EPM2A: variants seen among roughly 807,000 people sequenced by gnomAD.
EPM2A encodes the protein laforin.
EPM2A carries 21 observed loss-of-function variants against 26.5 expected under a neutral mutation model. The observed-to-expected ratio is 0.79, with a 90% CI of 0.56 to 1.14. The LOEUF (loss-of-function observed/expected upper bound fraction) is 1.14. Among genes scored for constraint, EPM2A ranks in the 50% most tolerant of loss-of-function variants. The pLI is 0.00. For synonymous variants in EPM2A, 217 were observed against 177.6 expected (o/e 1.22, Z -1.76); for missense variants, 458 against 440.8 (o/e 1.04, Z -0.35).
At chr6:145,441,327 T>A (rs1348940561) in intron 4 of EPM2A, among the ~76,000 whole-genome samples, 2 of 152,192 alleles carry the variant, frequency 1.3e-5, no homozygotes, top group African/African-American at 4.8e-5. Flanking sequence ...CCCTGGGCCC[T>A]AGCCCACTAA....
intron 4 of EPM2A, among the ~76,000 whole-genome samples, chr6:145,399,175 G>A (rs1023009778): frequency 2.5e-4 from 38 of 152,168 alleles, no homozygotes; most frequent in African/African-American, 7.7e-4. Flanking sequence ...AAAAGTTTGC[G>A]AGAGAGGTGA....
intron 4 of EPM2A, among the ~76,000 whole-genome samples, chr6:145,465,086 A>G (rs1016463750): frequency 4.6e-5 from 7 of 151,742 alleles, no homozygotes; most frequent in Non-Finnish European, 7.4e-5. Flanking sequence ...ACTTGGTTCC[A>G]TTCTCCCCGT....
chr6:145,572,384 T>G (rs868732191), intron 2 of EPM2A, among the ~76,000 whole-genome samples: 1 of 152,210 alleles, frequency 6.6e-6, no homozygotes, highest in Non-Finnish European at 1.5e-5. Flanking sequence ...CACTGCCTCA[T>G]GTAACTTACT....
chr6:145,618,969 C>T (rs915147850), intron 2 of EPM2A, among the ~76,000 whole-genome samples: 3 of 152,118 alleles, frequency 2.0e-5, no homozygotes, highest in African/African-American at 7.2e-5. Flanking sequence ...CAATCCAGGT[C>T]AGCGTGGACA....
At chr6:145,655,014 T>C (rs559606769) in intron 2 of EPM2A, among the ~76,000 whole-genome samples, 99 of 152,294 alleles carry the variant, frequency 6.5e-4, no homozygotes, top group African/African-American at 2.3e-3. Flanking sequence ...AGTGGCTTTT[T>C]CACACCCCAA....
chr6:145,584,257 G>A (rs1283529745), intron 2 of EPM2A, among the ~76,000 whole-genome samples: 1 of 152,148 alleles, frequency 6.6e-6, no homozygotes, highest in Non-Finnish European at 1.5e-5. Context: ...CTCTCTGATG[G>A]TTAGGTGTGG....
intron 4 of EPM2A, among the ~76,000 whole-genome samples, chr6:145,411,704 A>G (rs537212663): frequency 3.9e-5 from 6 of 152,314 alleles, no homozygotes; most frequent in South Asian, 2.1e-4. Flanking sequence ...AAAATCATCA[A>G]CCCACACATG....
intron 4 of EPM2A, among the ~76,000 whole-genome samples, chr6:145,392,731 A>G (rs978591847): frequency 1.1e-4 from 17 of 151,456 alleles, no homozygotes; most frequent in African/African-American, 4.1e-4. Flanking sequence ...ATATATATCA[A>G]CCAGGCCTTC....
chr6:145,435,236 G>A (rs757223766), intron 4 of EPM2A, among the ~76,000 whole-genome samples: 27 of 152,044 alleles, frequency 1.8e-4, no homozygotes, highest in Admixed American at 3.3e-4. Context: ...AGGTATAAAT[G>A]AGTAAAAATC....
rs199856913 is a variant in EPM2A, at chr6:145,635,473, T to C, written c.490A>G (p.Ile164Val). ...AMHYSRILPN[I>V]WLGSCPRQVE... is the part of the protein sequence containing the mutation. ...TGACGAGGGCAGCTACCCAGCCAGA[T>C]ATTTGGTAGAATTCTAATGAGAACA... Residue 164 changes from isoleucine (I) to valine (V), a missense_variant, in exon 3 of 4, where the codon ATC (isoleucine) becomes GTC (valine). By Grantham distance (29) the Ile-to-Val change is conservative. Coordinates refer to ENST00000367519, the MANE Select transcript of EPM2A (RefSeq NM_005670.4). 32 of 1,613,938 alleles carry C rather than the reference T, an allele frequency of 2.0e-5. No individual in the cohort carries two copies. In the Admixed American group the frequency reaches 3.2e-4, roughly 16 times the overall value.
At chr6:145,530,233 G>A (rs1377007684) in intron 2 of EPM2A, among the ~76,000 whole-genome samples, 1 of 152,144 alleles carries the variant, frequency 6.6e-6, no homozygotes, top group South Asian at 2.1e-4. Context: ...CCTGTGGAGG[G>A]ACCAGTGTGG....
chr6:145,430,090 G>C (rs1400089097), intron 4 of EPM2A, among the ~76,000 whole-genome samples: 1 of 152,014 alleles, frequency 6.6e-6, no homozygotes, highest in African/African-American at 2.4e-5. Context: ...TACTCGGAAG[G>C]CTGAGGCAGG....
chr6:145,570,363 C>T (rs950570571), intron 2 of EPM2A, among the ~76,000 whole-genome samples: 1 of 152,166 alleles, frequency 6.6e-6, no homozygotes, highest in African/African-American at 2.4e-5. Context: ...ATACAACTAT[C>T]CTTCACACAA....
intron 2 of EPM2A, among the ~76,000 whole-genome samples, chr6:145,641,503 ACTGT>A (rs879414487): frequency 6.6e-6 from 1 of 152,180 alleles, no homozygotes; most frequent in Non-Finnish European, 1.5e-5. Context: ...TTTAAGCCAC[ACTGT>A]CTGTGGCACT....
chr6:145,597,009 C>T (rs1781354753), intron 2 of EPM2A, among the ~76,000 whole-genome samples: 1 of 150,624 alleles, frequency 6.6e-6, no homozygotes, highest in Non-Finnish European at 1.5e-5. Context: ...ATTCTCCTGC[C>T]TCAGCCTCCC....
At chr6:145,708,047 G>T (rs896462617) in intron 1 of EPM2A, among the ~76,000 whole-genome samples, 2 of 152,178 alleles carry the variant, frequency 1.3e-5, no homozygotes, top group African/African-American at 4.8e-5. Flanking sequence ...TGGAGTAAAG[G>T]TCACTCTTGC....
intron 4 of EPM2A, among the ~76,000 whole-genome samples, chr6:145,453,196 A>T (rs1369847864): frequency 6.6e-6 from 1 of 152,216 alleles, no homozygotes; most frequent in East Asian, 1.9e-4. Context: ...TTATGCCCAG[A>T]ACAGCGTAAT....
chr6:145,631,830 A>G (rs546739942), intron 3 of EPM2A: 3 of 150,816 alleles, frequency 2.0e-5, no homozygotes, highest in African/African-American at 7.4e-5. Context: ...CCTGAAAGAA[A>G]TCTGCAGCTT....
At chr6:145,691,498 C>CA (rs1412743948) in intron 1 of EPM2A, among the ~76,000 whole-genome samples, 1 of 151,832 alleles carries the variant, frequency 6.6e-6, no homozygotes, top group African/African-American at 2.4e-5. Flanking sequence ...GATGTCTAAA[C>CA]AAAAAGAAAC....
Sources: allele counts gnomAD v4.1 joint callset (sites outside exome capture counted in the v4.1 genomes callset), GRCh38; gene constraint gnomAD v4.1.1; transcripts MANE v1.5; gene names NCBI Gene and HGNC (gene_info 2026-07-23, HGNC 2026-07-21).